Variants in ADAM11 observed in about 807,000 individuals in gnomAD.
ADAM11 encodes disintegrin and metalloproteinase domain-containing protein 11.
ADAM11 carries 49 observed loss-of-function variants against 119.1 expected under a neutral mutation model. The observed-to-expected ratio is 0.41, with a 90% CI of 0.33 to 0.52. ADAM11 has a LOEUF of 0.52. Ranked by LOEUF, ADAM11 falls within the 20% of genes least tolerant of loss-of-function variation. The pLI is 0.20. For missense variants in ADAM11, 777 were observed against 1,047.5 expected, an observed-to-expected ratio of 0.74 and a Z score of 3.56; for synonymous variants, 364 against 408.0, an observed-to-expected ratio of 0.89 and a Z score of 1.30.
Position 44,768,319 on chromosome 17 carries a change from C to T in ADAM11, c.238-1399C>T, listed in dbSNP as rs529763352. 6.9e-4 allele frequency among the ~76,000 whole-genome samples: 105 copies of T among 152,286 alleles called. 1 individual carries two copies. Among genetic ancestry groups the T allele is most frequent in the African/African-American group, 1.8e-3 (75 of 41,574 alleles). ...TCAGGATGGAATTGGGAGCCTTGGT[C>T]AGCCTGGAATAGGGTGAGTCGGTGT... On this transcript the variant is annotated intron_variant, in intron 2 of 26. Coordinates refer to ENST00000200557, the MANE Select transcript of ADAM11 (RefSeq NM_002390.6).
chr17:44,779,731 C>T lies in ADAM11; in HGVS notation c.2295-8C>T, dbSNP rs764924670. 4.1e-5 allele frequency: 66 copies of T among 1,595,836 alleles called. No individual in the cohort carries two copies. The Middle Eastern group carries it at 5.0e-4, about 12-fold the overall frequency. Reference sequence around the variant, plus strand: ...ACGTCCTCCCCTGATGCCCCCTCTCCGTTCCAGGTCCGGAGGGGCCTAAGT... The same window carrying T: ...ACGTCCTCCCCTGATGCCCCCTCTCTGTTCCAGGTCCGGAGGGGCCTAAGT... On this transcript the variant is annotated splice_polypyrimidine_tract_variant and splice_region_variant and intron_variant, in intron 26 of 26. Transcript: ENST00000200557.
chr17:44,776,845 C>T lies in ADAM11; in HGVS notation c.1617+50C>T, dbSNP rs1206462569. On this transcript the variant is annotated intron_variant, in intron 19 of 26. Coordinates refer to ENST00000200557, the MANE Select transcript of ADAM11 (RefSeq NM_002390.6). This position sits in a 1 kb window ranked among gnomAD's most constrained non-coding sequence, Gnocchi z 5.2. ...GGGATTCAGGGCAGTCTCTTGTCTCCACTCTGACCACTCAGCATCTCCATC... is the reference window on the plus strand; with the variant it reads ...GGGATTCAGGGCAGTCTCTTGTCTCTACTCTGACCACTCAGCATCTCCATC... 3 of 1,613,856 alleles carry T rather than the reference C, an allele frequency of 1.9e-6. No individual in the cohort carries two copies. Among genetic ancestry groups the T allele is most frequent in the African/African-American group, 1.3e-5 (1 of 74,914 alleles).
intron 2 of ADAM11, 147 bp downstream of exon 2, chr17:44,760,044 GC>G: frequency 1.2e-6 from 1 of 835,506 alleles, no homozygotes; most frequent in Non-Finnish European, 1.6e-6. Context: ...GGGTGCTGGA[GC>G]CCACTGGTGG....
In ADAM11 at chr17:44,774,293, A is replaced by C. The variant is rs1330995447; in HGVS notation, c.993-2A>C. The C allele has an allele frequency of 6.8e-7, 1 of 1,460,304 alleles. No homozygotes were observed. Among genetic ancestry groups the C allele is most frequent in the Non-Finnish European group, 9.1e-7 (1 of 1,104,646 alleles). The allele number at this position is 1,460,304 out of a possible 1,614,324, so 90.5% of individuals were successfully genotyped here. A position where few individuals can be genotyped will look rare whatever the true frequency, so the allele number is the denominator to read the frequency against. On this transcript the variant is annotated splice_acceptor_variant, in intron 11 of 26. Transcript: ENST00000200557. LOFTEE classifies it high-confidence loss of function. ...CCATCCTGACAGCGCACTCCCTTCC[A>C]GGGGCAGGACCTTCCAGAGCACGAG...
chr17:44,774,786 G>A, intron 14 of ADAM11, 37 bp downstream of exon 14: 3 of 1,586,816 alleles, frequency 1.9e-6, no homozygotes, highest in Non-Finnish European at 2.6e-6. Flanking sequence ...AAGGTCTTGG[G>A]CGAGGGGAGT....
chr17:44,763,779 T>C (rs1186942615), intron 2 of ADAM11, among the ~76,000 whole-genome samples: 2 of 152,022 alleles, frequency 1.3e-5, no homozygotes, highest in Non-Finnish European at 2.9e-5. Context: ...TGCAGCAGCA[T>C]GATCTCGGCT....
Position 44,776,329 on chromosome 17 carries a change from C to T in ADAM11, c.1566+122C>T, listed in dbSNP as rs2049601219. ...TCTCCACAGCTGGCATCGACCTCCA[C>T]TGATCAGACTGTTTTCTTATCTGAG... On this transcript the variant is annotated intron_variant, in intron 18 of 26. Coordinates refer to ENST00000200557, the MANE Select transcript of ADAM11 (RefSeq NM_002390.6). This position sits in a 1 kb window ranked among gnomAD's most constrained non-coding sequence, Gnocchi z 5.2. 2 of 964,436 alleles carry T rather than the reference C, an allele frequency of 2.1e-6. No homozygotes were observed. Among genetic ancestry groups the T allele is most frequent in the East Asian group, 4.9e-5 (2 of 40,882 alleles). 59.7% of individuals were successfully genotyped at this position (964,436 alleles called of 1,614,324 possible). A position where few individuals can be genotyped will look rare whatever the true frequency, so the allele number is the denominator to read the frequency against.
rs927036643 is a variant in ADAM11 at position 44,772,511 on chromosome 17, G to A, written c.678+45G>A. 3.2e-6 allele frequency: 5 copies of A among 1,545,346 alleles called. No homozygotes were observed. The highest frequency in any genetic ancestry group is 1.4e-5 in the African/African-American group (1 of 72,996). ...CCTCGGGCTGCAGAGACCTCGGGCT[G>A]CAGAGAGACCTCAGGCCGTGGCCCA... On this transcript the variant is annotated intron_variant, in intron 8 of 26. Coordinates refer to ENST00000200557, the MANE Select transcript of ADAM11 (RefSeq NM_002390.6). This position sits in a 1 kb window ranked among gnomAD's most constrained non-coding sequence, Gnocchi z 4.5.
chr17:44,765,025 C>G (rs1598883418), intron 2 of ADAM11, among the ~76,000 whole-genome samples: 1 of 152,078 alleles, frequency 6.6e-6, no homozygotes, highest in East Asian at 1.9e-4. Flanking sequence ...CCTAGAGGAA[C>G]CCAGCTGTCC....
rs754265130 is a variant in ADAM11 at position 44,775,550 on chromosome 17, G to A, written c.1393-34G>A. ...CGTCTGAGTGGGAGGATTAGGGCTC[G>A]CCCGCCTCCTTCCCCTCCTCCCGCG... On this transcript the variant is annotated intron_variant, in intron 16 of 26. Transcript: ENST00000200557. This position sits in a 1 kb window ranked among gnomAD's most constrained non-coding sequence, Gnocchi z 7.5. The A allele has an allele frequency of 6.4e-7, 1 of 1,560,256 alleles. No individual in the cohort carries two copies. Among genetic ancestry groups the A allele is most frequent in the South Asian group, 1.2e-5 (1 of 86,536 alleles).
Position 44,775,329 on chromosome 17 carries a change from G to A in ADAM11, c.1320+18G>A. ...CCCTCAAGGTACCAGCCCCGCGGCG[G>A]GGAGCATGGGAGCGGGCCCTGGGCG... is the stretch of plus-strand genomic sequence containing the variant. On this transcript the variant is annotated intron_variant, in intron 15 of 26. Transcript: ENST00000200557. This position sits in a 1 kb window ranked among gnomAD's most constrained non-coding sequence, Gnocchi z 7.5. 1 of 1,613,594 alleles carries A rather than the reference G, an allele frequency of 6.2e-7. No individual in the cohort carries two copies. The highest frequency in any genetic ancestry group is 8.5e-7 in the Non-Finnish European group (1 of 1,179,932).
chr17:44,761,867 G>C (rs1046083695), intron 2 of ADAM11, among the ~76,000 whole-genome samples: 1 of 152,146 alleles, frequency 6.6e-6, no homozygotes, highest in Non-Finnish European at 1.5e-5. Flanking sequence ...TTGTTGCCCA[G>C]GCTGGAGTGC....
In ADAM11 at chr17:44,775,423, C is replaced by T; in HGVS notation, c.1350C>T (p.Gly450=). 1 of 1,611,332 alleles carries T rather than the reference C, an allele frequency of 6.2e-7. No individual in the cohort carries two copies. The highest frequency in any genetic ancestry group is 1.1e-5 in the South Asian group (1 of 91,058). ...TGGACCCCCCAGAGTGCGGGAACGG[C>T]TTCGTGGAGGCAGGGGAGGAGTGCG... ...KLLDPPECGN[G]FVEAGEECDC... Residue 450 remains glycine, a synonymous_variant, in exon 16 of 27, where the codon GGC becomes GGT. Coordinates refer to ENST00000200557, the MANE Select transcript of ADAM11 (RefSeq NM_002390.6). This position sits in a 1 kb window ranked among gnomAD's most constrained non-coding sequence, Gnocchi z 7.5.
At chr17:44,768,419 A>T (rs2049477960) in intron 2 of ADAM11, among the ~76,000 whole-genome samples, 1 of 152,100 alleles carries the variant, frequency 6.6e-6, no homozygotes, top group African/African-American at 2.4e-5. Flanking sequence ...AGGACCTCTC[A>T]TGGACACTGG....
Position 44,779,911 on chromosome 17 carries a change from C to A in ADAM11, c.*157C>A. The stretch of plus-strand genomic sequence containing the variant: ...GCAGGGGTTTGGGTGGGGGCTGTGG[C>A]CCTGCCCTTGGCACCACCAGGGTGG... On this transcript the variant is annotated 3_prime_UTR_variant, in exon 27 of 27. Coordinates refer to ENST00000200557, the MANE Select transcript of ADAM11 (RefSeq NM_002390.6). 1 of 1,118,628 alleles carries A rather than the reference C, an allele frequency of 8.9e-7. No individual in the cohort carries two copies. Among genetic ancestry groups the A allele is most frequent in the Non-Finnish European group, 1.3e-6 (1 of 763,766 alleles). 69.3% of individuals were successfully genotyped at this position (1,118,628 alleles called of 1,614,324 possible). A position where few individuals can be genotyped will look rare whatever the true frequency, so the allele number is the denominator to read the frequency against.
intron 6 of ADAM11, 44 bp downstream of exon 6, chr17:44,771,875 C>T (rs754354186): frequency 2.5e-6 from 4 of 1,570,682 alleles, no homozygotes; most frequent in East Asian, 4.5e-5. Flanking sequence ...GGTGGCCCTG[C>T]CAAGCTTGTC....
chr17:44,778,373 C>A, intron 25 of ADAM11, 131 bp downstream of exon 25: 1 of 911,558 alleles, frequency 1.1e-6, no homozygotes, highest in Non-Finnish European at 1.6e-6. Context: ...GTCCAAGTAG[C>A]CTGCAGGGCT....
At chr17:44,778,713 A>AAAAAAAAAAAAAAAAAACAAG (rs71136047) in intron 25 of ADAM11, among the ~76,000 whole-genome samples, 1 of 80,426 alleles carries the variant, frequency 1.2e-5, no homozygotes. Context: ...AAAAAAAAAA[A>AAAAAAAAAAAAAAAAAACAAG]GAAAGAAAGA....
chr17:44,771,565 C>T lies in ADAM11; in HGVS notation c.382-19C>T, dbSNP rs1422455055. 7 of 1,609,298 alleles carry T rather than the reference C, an allele frequency of 4.3e-6. No individual in the cohort carries two copies. Among genetic ancestry groups the T allele is most frequent in the Non-Finnish European group, 5.9e-6 (7 of 1,178,756 alleles). On this transcript the variant is annotated intron_variant, in intron 4 of 26. Coordinates refer to ENST00000200557, the MANE Select transcript of ADAM11 (RefSeq NM_002390.6). Reference sequence around the variant, plus strand: ...CCCGGCCTCATGCCAGCGTTCTGCTCACTGTTCTGCTCCTTCAGGGGGCTG... The same window carrying T: ...CCCGGCCTCATGCCAGCGTTCTGCTTACTGTTCTGCTCCTTCAGGGGGCTG...
Sources: allele counts gnomAD v4.1 joint callset (sites outside exome capture counted in the v4.1 genomes callset), GRCh38; gene constraint gnomAD v4.1.1; non-coding constraint Gnocchi (gnomAD v3.1); transcripts MANE v1.5; gene names NCBI Gene and HGNC (gene_info 2026-07-23, HGNC 2026-07-21).